The following SLIT2 variants were observed in gnomAD, a reference collection of about 807,000 sequenced individuals.
SLIT2 encodes the protein slit homolog 2 protein.
Under a neutral mutation model 185.7 loss-of-function variants are expected in SLIT2, and 41 were observed. The ratio of observed to expected loss-of-function variants is 0.22; its 90% confidence interval spans 0.17 to 0.29. The LOEUF is 0.29. Among genes scored for constraint, SLIT2 ranks in the 10% least tolerant of loss-of-function variants. SLIT2 has a pLI of 1.00. For synonymous variants in SLIT2, 693 were observed against 680.2 expected, an observed-to-expected ratio of 1.02 and a Z score of -0.29; for missense variants, 1,571 against 1,909.0, an observed-to-expected ratio of 0.82 and a Z score of 3.30.
chr4:20,593,385 C>T (rs1727667181), intron 30 of SLIT2, among the ~76,000 whole-genome samples: 1 of 151,986 alleles, frequency 6.6e-6, no homozygotes, highest in South Asian at 2.1e-4. Context: ...CATAGTAAGA[C>T]AAATACCGGA....
At chr4:20,356,399 G>T (rs1722326355) in intron 4 of SLIT2, among the ~76,000 whole-genome samples, 1 of 152,070 alleles carries the variant, frequency 6.6e-6, no homozygotes, top group African/African-American at 2.4e-5. Flanking sequence ...CAAAGTTGAG[G>T]TTACCAGCGG....
intron 4 of SLIT2, among the ~76,000 whole-genome samples, chr4:20,426,670 C>G (rs746087657): frequency 2.0e-5 from 3 of 152,046 alleles, no homozygotes; most frequent in Non-Finnish European, 4.4e-5. Context: ...TAAACCGTAA[C>G]TTAAGAAATG....
At chr4:20,299,323 T>A (rs1182555601) in intron 4 of SLIT2, among the ~76,000 whole-genome samples, 2 of 152,192 alleles carry the variant, frequency 1.3e-5, no homozygotes, top group African/African-American at 4.8e-5. Context: ...TCAACAAGGA[T>A]CAAAACAAAT....
At chr4:20,296,310 T>C (rs984406984) in intron 4 of SLIT2, among the ~76,000 whole-genome samples, 1 of 152,198 alleles carries the variant, frequency 6.6e-6, no homozygotes, top group Non-Finnish European at 1.5e-5. Flanking sequence ...AAAGCAATGA[T>C]CTGAACTAGA....
intron 33 of SLIT2, among the ~76,000 whole-genome samples, chr4:20,605,759 T>TTTTATTTTATTTTATTTTAA: frequency 6.6e-6 from 1 of 151,230 alleles, no homozygotes. Context: ...TTTTATTTTA[T>TTTTATTTTATTTTATTTTAA]TTTTTGAGAC....
At chr4:20,264,035 C>T (rs983804824) in intron 3 of SLIT2, among the ~76,000 whole-genome samples, 1 of 151,802 alleles carries the variant, frequency 6.6e-6, no homozygotes, top group African/African-American at 2.4e-5. Flanking sequence ...TTCTCATAGT[C>T]TCTCTGAGTC....
intron 4 of SLIT2, among the ~76,000 whole-genome samples, chr4:20,276,847 T>C (rs1408349502): frequency 1.3e-5 from 2 of 152,244 alleles, no homozygotes; most frequent in African/African-American, 2.4e-5. Flanking sequence ...TTTTGGGACC[T>C]GAGGAATGCT....
At chr4:20,380,995 T>C (rs762903351) in intron 4 of SLIT2, among the ~76,000 whole-genome samples, 12 of 152,252 alleles carry the variant, frequency 7.9e-5, no homozygotes, top group African/African-American at 1.2e-4. Context: ...GGCCCACTCC[T>C]GTAATCCCAG....
chr4:20,335,924 A>G (rs905674312), intron 4 of SLIT2, among the ~76,000 whole-genome samples: 12 of 35,822 alleles, frequency 3.3e-4, no homozygotes, highest in South Asian at 2.0e-3. Flanking sequence ...TAATTTTATA[A>G]CAATGTGCTG....
chr4:20,478,514 T>C (rs1255951308), intron 5 of SLIT2, among the ~76,000 whole-genome samples: 4 of 152,196 alleles, frequency 2.6e-5, no homozygotes, highest in Admixed American at 2.6e-4. Context: ...TTTGCTTGAG[T>C]GCTTTCTGGC....
intron 4 of SLIT2, among the ~76,000 whole-genome samples, chr4:20,288,531 A>G (rs1039975957): frequency 6.6e-6 from 1 of 152,216 alleles, no homozygotes; most frequent in Non-Finnish European, 1.5e-5. Context: ...TTTTTCTAGT[A>G]AATCAGCTTA....
intron 4 of SLIT2, among the ~76,000 whole-genome samples, chr4:20,285,796 C>G (rs1715209126): frequency 6.6e-6 from 1 of 152,200 alleles, no homozygotes. Flanking sequence ...AATCTACCTG[C>G]TTCAACCTCC....
At chr4:20,339,872 C>T (rs2109228168) in intron 4 of SLIT2, among the ~76,000 whole-genome samples, 1 of 152,176 alleles carries the variant, frequency 6.6e-6, no homozygotes, top group East Asian at 1.9e-4. Flanking sequence ...CTGGTTTTTA[C>T]CACATTGTAT....
intron 4 of SLIT2, among the ~76,000 whole-genome samples, chr4:20,320,809 C>G (rs1409551167): frequency 1.3e-5 from 2 of 152,178 alleles, no homozygotes; most frequent in African/African-American, 4.8e-5. Context: ...CCTTTCATCT[C>G]CAACTCTGTG....
At chr4:20,375,993 A>G (rs963827437) in intron 4 of SLIT2, among the ~76,000 whole-genome samples, 4 of 151,942 alleles carry the variant, frequency 2.6e-5, no homozygotes, top group Non-Finnish European at 4.4e-5. Flanking sequence ...CAGTACATTT[A>G]GAGATTTAGG....
chr4:20,447,308 T>C (rs1002828732), intron 4 of SLIT2, among the ~76,000 whole-genome samples: 3 of 152,188 alleles, frequency 2.0e-5, no homozygotes, highest in Non-Finnish European at 2.9e-5. Flanking sequence ...GAGGAATTCC[T>C]GAGGCTGGTG....
intron 30 of SLIT2, among the ~76,000 whole-genome samples, chr4:20,595,313 T>A: frequency 6.6e-6 from 1 of 152,208 alleles, no homozygotes; most frequent in East Asian, 1.9e-4. Context: ...ATAGCACTTT[T>A]ATAATCTCAA....
intron 29 of SLIT2, among the ~76,000 whole-genome samples, chr4:20,574,122 T>G (rs897245102): frequency 6.6e-6 from 1 of 151,642 alleles, no homozygotes; most frequent in Non-Finnish European, 1.5e-5. Context: ...GCTTGGCTAA[T>G]TTTTTGTATT....
At chr4:20,399,413 A>G (rs1414011513) in intron 4 of SLIT2, among the ~76,000 whole-genome samples, 1 of 151,558 alleles carries the variant, frequency 6.6e-6, no homozygotes, top group African/African-American at 2.4e-5. Flanking sequence ...CGAACCATAA[A>G]CTCTCTGATC....
Sources: allele counts gnomAD v4.1 joint callset (sites outside exome capture counted in the v4.1 genomes callset), GRCh38; gene constraint gnomAD v4.1.1; transcripts MANE v1.5; gene names NCBI Gene and HGNC (gene_info 2026-07-23, HGNC 2026-07-21).